The following CNTROB variants were observed in gnomAD, a reference collection of about 807,000 sequenced individuals.
CNTROB encodes the protein centrobin, centriole duplication and spindle assembly protein.
Under a neutral mutation model 115.7 loss-of-function variants are expected in CNTROB, and 82 were observed. The ratio of observed to expected loss-of-function variants is 0.71; its 90% CI spans 0.59 to 0.85. CNTROB has a LOEUF of 0.85. CNTROB is among the 40% of genes least tolerant of loss of function. The pLI is 0.00. For missense variants in CNTROB, 1,014 were observed against 1,144.4 expected, an observed-to-expected ratio of 0.89 and a Z score of 1.64; for synonymous variants, 439 against 456.4, an observed-to-expected ratio of 0.96 and a Z score of 0.49.
chr17:7,940,272 G>C, intron 9 of CNTROB, 30 bp downstream of exon 9: 2 of 1,572,286 alleles, frequency 1.3e-6, no homozygotes, highest in Middle Eastern at 1.7e-4. Flanking sequence ...TTGAGGTTTT[G>C]TTCTGACAGA....
In CNTROB at chr17:7,948,318, C is replaced by T. The variant is rs776391349; in HGVS notation, c.2371C>T (p.Pro791Ser). The T allele has an allele frequency of 6.2e-7, 1 of 1,614,082 alleles. No homozygotes were observed. The highest frequency in any genetic ancestry group is 8.5e-7 in the Non-Finnish European group (1 of 1,179,998). The part of the protein sequence containing the change: ...SQGSGPSSGS[P>S]ERGGDGLTFP... ...AGGCAGTGGTCCCAGCAGTGGTTCCCCAGAGAGAGGTGAGCATGTTCTGGT... is the reference window on the plus strand; with the variant it reads ...AGGCAGTGGTCCCAGCAGTGGTTCCTCAGAGAGAGGTGAGCATGTTCTGGT... The change falls in exon 16 of 19, where the codon CCA becomes TCA. Residue 791 changes from proline to serine, a missense_variant. By Grantham distance (74) the Pro-to-Ser change is moderately conservative. Coordinates refer to ENST00000563694, the MANE Select transcript of CNTROB (RefSeq NM_053051.5). The surrounding 1 kb of genome is among the most constrained non-coding windows in gnomAD (Gnocchi z 4.4).
intron 5 of CNTROB, 88 bp downstream of exon 5, chr17:7,936,570 G>A (rs1029879841): frequency 5.4e-5 from 43 of 797,900 alleles, no homozygotes; most frequent in Non-Finnish European, 9.0e-5. Context: ...ATGTTTCTTG[G>A]TACATGCTGA....
chr17:7,932,859 C>G lies in CNTROB; in HGVS notation c.-221C>G, dbSNP rs1412404953. The G allele has an allele frequency of 3.5e-6, 2 of 576,522 alleles. No homozygotes were observed. The highest frequency in any genetic ancestry group is 1.9e-5 in the African/African-American group (1 of 53,418). 35.7% of individuals were successfully genotyped at this position (576,522 alleles called of 1,614,324 possible). A position where few individuals can be genotyped will look rare whatever the true frequency, so the allele number is the denominator to read the frequency against. On this transcript the variant is annotated 5_prime_UTR_variant, in exon 1 of 19. Coordinates refer to ENST00000563694, the MANE Select transcript of CNTROB (RefSeq NM_053051.5). The stretch of plus-strand genomic sequence containing the variant: ...ACCCTCTTAACGCTGTTCCCAGGAG[C>G]TGGGGAAAGGGATGCTTTTGCCCAC...
In CNTROB at chr17:7,936,474, C is replaced by T; in HGVS notation, c.703C>T (p.Leu235=). The part of the protein sequence containing the change: ...DRKKDTMIEQ[L]DKTLARVVEG... ...CAAGAAAGATACCATGATTGAACAACTGGACAAGGTACCAGGGTAGCAAAA... is the reference window on the plus strand; with the variant it reads ...CAAGAAAGATACCATGATTGAACAATTGGACAAGGTACCAGGGTAGCAAAA... The change falls in exon 5 of 19, where the codon CTG becomes TTG. Residue 235 remains leucine, a synonymous_variant. Coordinates refer to ENST00000563694, the MANE Select transcript of CNTROB (RefSeq NM_053051.5). 1 of 1,363,686 alleles carries T rather than the reference C, an allele frequency of 7.3e-7. No individual in the cohort carries two copies. The allele number at this position is 1,363,686 out of a possible 1,614,324, so 84.5% of individuals were successfully genotyped here.
rs1225109700 is a variant in CNTROB at position 7,933,018 on chromosome 17, G to T, written c.-62G>T. Reference sequence around the variant, plus strand: ...CTTTCTCCGTGAACTTTTCCTCCTGGACTTTGCTAAAGCAGAACCTCCCAG... The same window carrying T: ...CTTTCTCCGTGAACTTTTCCTCCTGTACTTTGCTAAAGCAGAACCTCCCAG... On this transcript the variant is annotated 5_prime_UTR_variant, in exon 1 of 19. Coordinates refer to ENST00000563694, the MANE Select transcript of CNTROB (RefSeq NM_053051.5). 1.4e-5 allele frequency: 21 copies of T among 1,554,898 alleles called. No homozygotes were observed. Among genetic ancestry groups the T allele is most frequent in the Non-Finnish European group, 9.6e-6 (11 of 1,148,966 alleles).
chr17:7,948,325 G>A lies in CNTROB; in HGVS notation c.2378G>A (p.Arg793Lys), dbSNP rs1974803621. 6.2e-7 allele frequency: 1 copy of A among 1,614,166 alleles called. No homozygotes were observed. Residue 793 changes from arginine (R) to lysine (K), a missense_variant and splice_region_variant, in exon 16 of 19, where the codon AGA becomes AAA. Physicochemically the swap from Arg to Lys is conservative, Grantham distance 26. Transcript: ENST00000563694. This position sits in a 1 kb window ranked among gnomAD's most constrained non-coding sequence, Gnocchi z 4.4. ...GSGPSSGSPE[R>K]GGDGLTFPRQ... ...GGTCCCAGCAGTGGTTCCCCAGAGAGAGGTGAGCATGTTCTGGTTTATTAG... is the reference window on the plus strand; with the variant it reads ...GGTCCCAGCAGTGGTTCCCCAGAGAAAGGTGAGCATGTTCTGGTTTATTAG...
In CNTROB at chr17:7,949,565, C is replaced by T. The variant is rs1340273101; in HGVS notation, c.*55C>T. ...CTCATTGTTGTTATTTTAATAAATG[C>T]TCATTAGTCTGTATCAGAGTCTCTG... On this transcript the variant is annotated 3_prime_UTR_variant, in exon 19 of 19. Coordinates refer to ENST00000563694, the MANE Select transcript of CNTROB (RefSeq NM_053051.5). The T allele has an allele frequency of 5.2e-6, 8 of 1,528,874 alleles. No homozygotes were observed. The African/African-American group carries it at 9.7e-5, about 19-fold the overall frequency. The allele number at this position is 1,528,874 out of a possible 1,614,324, so 94.7% of individuals were successfully genotyped here. A position where few individuals can be genotyped will look rare whatever the true frequency, so the allele number is the denominator to read the frequency against.
In CNTROB at chr17:7,944,161, A is replaced by C. The variant is rs1372790096; in HGVS notation, c.1484A>C (p.Glu495Ala). 1.9e-6 allele frequency: 3 copies of C among 1,607,932 alleles called. No individual in the cohort carries two copies. Among genetic ancestry groups the C allele is most frequent in the Non-Finnish European group, 2.6e-6 (3 of 1,174,320 alleles). Residue 495 changes from glutamate to alanine, a missense_variant, in exon 11 of 19, where the codon GAG becomes GCG. Transcript: ENST00000563694. The surrounding 1 kb of genome is among the most constrained non-coding windows in gnomAD (Gnocchi z 4.0). The stretch of plus-strand genomic sequence containing the variant: ...GACCTGAGTGGACAGCACCAGCAGG[A>C]GCTGGCCAGTCAGCTAGCTCAGTTC... ...LQDLSGQHQQ[E>A]LASQLAQFKV...
chr17:7,943,268 A>G lies in CNTROB; in HGVS notation c.1312-123A>G, dbSNP rs547451327. ...GGAACCTCTTTCACTCCTTGAGGCA[A>G]AATTCTTGTTCTTCATCTCATATGA... is the stretch of plus-strand genomic sequence containing the variant. On this transcript the variant is annotated intron_variant, in intron 9 of 18. Coordinates refer to ENST00000563694, the MANE Select transcript of CNTROB (RefSeq NM_053051.5). The surrounding 1 kb of genome is among the most constrained non-coding windows in gnomAD (Gnocchi z 4.7). 4.6e-6 allele frequency: 3 copies of G among 645,416 alleles called. No homozygotes were observed. Among genetic ancestry groups the G allele is most frequent in the East Asian group, 2.9e-5 (1 of 34,192 alleles). The allele number at this position is 645,416 out of a possible 1,614,324, so 40.0% of individuals were successfully genotyped here.
intron 9 of CNTROB, among the ~76,000 whole-genome samples, chr17:7,940,682 T>C (rs961540206): frequency 1.3e-5 from 2 of 152,184 alleles, no homozygotes; most frequent in African/African-American, 4.8e-5. Flanking sequence ...AATTTACTTA[T>C]GAAACTTCCA....
Position 7,943,372 on chromosome 17 carries a change from C to G in CNTROB, c.1312-19C>G, listed in dbSNP as rs1017335977. 7.5e-6 allele frequency: 12 copies of G among 1,601,912 alleles called. No homozygotes were observed. The highest frequency in any genetic ancestry group is 1.0e-5 in the Non-Finnish European group (12 of 1,170,684). ...GCCCAAACAGATTTGGGCCGTTATCCCACCTTCCTTCACTCCAGGCCCGGT... is the reference window on the plus strand; with the variant it reads ...GCCCAAACAGATTTGGGCCGTTATCGCACCTTCCTTCACTCCAGGCCCGGT... On this transcript the variant is annotated intron_variant, in intron 9 of 18. Coordinates refer to ENST00000563694, the MANE Select transcript of CNTROB (RefSeq NM_053051.5). This position sits in a 1 kb window ranked among gnomAD's most constrained non-coding sequence, Gnocchi z 4.7.
chr17:7,934,875 A>G lies in CNTROB; in HGVS notation c.438-114A>G, dbSNP rs551438226. On this transcript the variant is annotated intron_variant, in intron 3 of 18. Coordinates refer to ENST00000563694, the MANE Select transcript of CNTROB (RefSeq NM_053051.5). ...TGGTTATATAGCTTTACGACTTTGG[A>G]CAAGTCTCTTGCCCTCTCTGGGTCT... 67 of 1,205,300 alleles carry G rather than the reference A, an allele frequency of 5.6e-5. No homozygotes were observed. In the African/African-American group the frequency reaches 1.0e-3, roughly 18 times the overall value. 74.7% of individuals were successfully genotyped at this position (1,205,300 alleles called of 1,614,324 possible).
chr17:7,947,184 T>G (rs1330908877), intron 13 of CNTROB, among the ~76,000 whole-genome samples: 1 of 146,934 alleles, frequency 6.8e-6, no homozygotes, highest in Non-Finnish European at 1.5e-5. Context: ...AAAAGAGAGA[T>G]TAGTTGTAGC....
Position 7,944,180 on chromosome 17 carries a change from T to G in CNTROB, c.1503T>G (p.Ala501=). 6.2e-7 allele frequency: 1 copy of G among 1,612,298 alleles called. No individual in the cohort carries two copies. The highest frequency in any genetic ancestry group is 1.1e-5 in the South Asian group (1 of 91,048). ...AGCAGGAGCTGGCCAGTCAGCTAGC[T>G]CAGTTCAAGGTGGAAATGGCAGAAC... The part of the protein sequence containing the change: ...QHQQELASQL[A]QFKVEMAERE... Residue 501 remains alanine (A), a synonymous_variant, in exon 11 of 19, where the codon GCT becomes GCG. Coordinates refer to ENST00000563694, the MANE Select transcript of CNTROB (RefSeq NM_053051.5). This position sits in a 1 kb window ranked among gnomAD's most constrained non-coding sequence, Gnocchi z 4.0.
chr17:7,936,603 G>T, intron 5 of CNTROB, 98 bp from the exon 6 acceptor site: 1 of 796,140 alleles, frequency 1.3e-6, no homozygotes, highest in Admixed American at 1.7e-5. Context: ...GGGTTGGTTT[G>T]CTGACTGTTG....
intron 12 of CNTROB, 139 bp from the exon 13 acceptor site, chr17:7,945,589 G>C: frequency 1.2e-6 from 1 of 869,188 alleles, no homozygotes; most frequent in Non-Finnish European, 1.7e-6. Flanking sequence ...AGCCTCAAAC[G>C]GTCCTCCCAA....
chr17:7,945,453 G>T, intron 12 of CNTROB: 1 of 347,886 alleles, frequency 2.9e-6, no homozygotes. Context: ...GAGCGCTCAA[G>T]CAATCTTCCT....
In CNTROB at chr17:7,949,407, G is replaced by A. The variant is rs754323785; in HGVS notation, c.2609G>A (p.Arg870His). ...RKEIPSQAVP[R>H]RLATAPKTEK... is the part of the protein sequence containing the mutation. Reference sequence around the variant, plus strand: ...CAGATTCCCTCCCAGGCTGTCCCTCGCCGCCTTGCTACAGCCCCCAAGACT... The same window carrying A: ...CAGATTCCCTCCCAGGCTGTCCCTCACCGCCTTGCTACAGCCCCCAAGACT... The change falls in exon 19 of 19, where the codon CGC becomes CAC. Residue 870 changes from arginine (R) to histidine (H), a missense_variant. Coordinates refer to ENST00000563694, the MANE Select transcript of CNTROB (RefSeq NM_053051.5). 1.3e-5 allele frequency: 21 copies of A among 1,613,816 alleles called. No homozygotes were observed. In the East Asian group the frequency reaches 1.8e-4, roughly 14 times the overall value.
intron 14 of CNTROB, 21 bp from the exon 15 acceptor site, chr17:7,947,895 G>A: frequency 1.2e-6 from 2 of 1,613,156 alleles, no homozygotes; most frequent in Non-Finnish European, 1.7e-6. Flanking sequence ...TAGGGAACTT[G>A]ACAATCTTAT....
Sources: gnomAD v4.1 joint callset for allele counts (sites outside exome capture counted in the v4.1 genomes callset) on GRCh38, gnomAD v4.1.1 for gene constraint, Gnocchi (gnomAD v3.1) non-coding constraint, MANE v1.5 for transcripts, NCBI Gene and HGNC (gene_info 2026-07-23, HGNC 2026-07-21) for gene names.